The following NKAIN2 variants were observed in gnomAD, a reference collection of about 807,000 sequenced individuals.
NKAIN2 encodes the protein sodium/potassium transporting ATPase interacting 2.
NKAIN2 carries 14 observed loss-of-function variants against 32.6 expected under a neutral mutation model. The ratio of observed to expected loss-of-function variants is 0.43; its 90% CI spans 0.28 to 0.67. NKAIN2 has a LOEUF of 0.67. NKAIN2 is among the 30% of genes least tolerant of loss of function. The probability of loss-of-function intolerance (pLI) is 0.17; values close to 1 mark genes in which losing one functional copy is unlikely to be tolerated. For synonymous variants in NKAIN2, 80 were observed against 87.2 expected (o/e 0.92, Z 0.46); for missense variants, 198 against 258.3 (o/e 0.77, Z 1.60).
At chr6:124,589,495 C>T (rs1781828921) in intron 3 of NKAIN2, among the ~76,000 whole-genome samples, 3 of 152,216 alleles carry the variant, frequency 2.0e-5, no homozygotes, top group Non-Finnish European at 2.9e-5. Flanking sequence ...TGTAAGACTT[C>T]TTCCTATTAG....
chr6:124,210,585 G>A (rs935813925), intron 1 of NKAIN2, among the ~76,000 whole-genome samples: 1 of 151,550 alleles, frequency 6.6e-6, no homozygotes, highest in Non-Finnish European at 1.5e-5. Context: ...ATTCTTTTGT[G>A]TCCTCTTCAA....
At chr6:124,143,480 A>C (rs1412304992) in intron 1 of NKAIN2, among the ~76,000 whole-genome samples, 1 of 148,246 alleles carries the variant, frequency 6.7e-6, no homozygotes, top group Admixed American at 6.8e-5. Context: ...AGAAGAAAAA[A>C]GTATCAACAA....
At position 124,491,062 on chromosome 6, in the gene NKAIN2, C is replaced by A. The variant is rs1410629791; in HGVS notation, c.273+135715C>A. On this transcript the variant is annotated intron_variant, in intron 3 of 6. Coordinates refer to ENST00000368417, the MANE Select transcript of NKAIN2 (RefSeq NM_001040214.3). ...GGTTGCAAGATTTAGATAAATATTTCTTCAGATTAATATCTTTAGAGAAAA... is the reference window on the plus strand; with the variant it reads ...GGTTGCAAGATTTAGATAAATATTTATTCAGATTAATATCTTTAGAGAAAA... 3.9e-5 allele frequency among the ~76,000 whole-genome samples: 6 copies of A among 152,010 alleles called. No individual in the cohort carries two copies. The East Asian group carries it at 1.2e-3, about 29-fold the overall frequency.
chr6:123,900,700 TTCTC>T (rs927435967), intron 1 of NKAIN2, among the ~76,000 whole-genome samples: 70 of 151,894 alleles, frequency 4.6e-4, no homozygotes, highest in South Asian at 8.3e-4. Flanking sequence ...GGAGAATAGT[TTCTC>T]TAGAGATTGA....
intron 3 of NKAIN2, among the ~76,000 whole-genome samples, chr6:124,366,504 G>C (rs1003650703): frequency 1.3e-5 from 2 of 151,792 alleles, no homozygotes; most frequent in Non-Finnish European, 2.9e-5. Context: ...TCTTAAAAAT[G>C]TTTAGGAATG....
intron 4 of NKAIN2, among the ~76,000 whole-genome samples, chr6:124,751,736 T>C (rs1562363129): frequency 1.3e-5 from 2 of 151,536 alleles, no homozygotes; most frequent in South Asian, 2.1e-4. Flanking sequence ...CCTAACACTT[T>C]AGGAGGCTAA....
At chr6:124,554,656 G>A (rs1202478591) in intron 3 of NKAIN2, among the ~76,000 whole-genome samples, 1 of 152,118 alleles carries the variant, frequency 6.6e-6, no homozygotes, top group East Asian at 1.9e-4. Context: ...CATCACAATG[G>A]GAAGTTAATT....
intron 1 of NKAIN2, among the ~76,000 whole-genome samples, chr6:124,073,793 T>C (rs1449779402): frequency 6.6e-6 from 1 of 151,878 alleles, no homozygotes; most frequent in East Asian, 1.9e-4. Context: ...GCACCATGGG[T>C]CCTCCCTGCT....
chr6:124,611,413 A>G (rs931034233), intron 3 of NKAIN2, among the ~76,000 whole-genome samples: 3 of 152,090 alleles, frequency 2.0e-5, no homozygotes, highest in African/African-American at 7.2e-5. Context: ...TAGAATGTGC[A>G]GGTTTGTTAC....
intron 3 of NKAIN2, among the ~76,000 whole-genome samples, chr6:124,401,632 G>A (rs1174536880): frequency 6.6e-6 from 1 of 152,146 alleles, no homozygotes; most frequent in Non-Finnish European, 1.5e-5. Flanking sequence ...TGCTGCATAT[G>A]TTGTGTAATT....
At chr6:123,940,650 A>G (rs1459641359) in intron 1 of NKAIN2, among the ~76,000 whole-genome samples, 2 of 152,038 alleles carry the variant, frequency 1.3e-5, no homozygotes, top group Non-Finnish European at 2.9e-5. Flanking sequence ...CAGAAAAGCT[A>G]CAGGTAAAAA....
intron 1 of NKAIN2, among the ~76,000 whole-genome samples, chr6:123,927,723 T>A (rs543531982): frequency 5.3e-5 from 8 of 152,230 alleles, no homozygotes; most frequent in Non-Finnish European, 1.0e-4. Context: ...TCTGCTATTC[T>A]TGGATATATT....
At chr6:124,081,620 G>A (rs1264805884) in intron 1 of NKAIN2, among the ~76,000 whole-genome samples, 2 of 151,990 alleles carry the variant, frequency 1.3e-5, no homozygotes, top group Admixed American at 1.3e-4. Context: ...TTTCAGTAAA[G>A]GATATTAAAG....
intron 1 of NKAIN2, chr6:123,829,429 A>G (rs1350567303): frequency 6.6e-6 from 1 of 152,216 alleles, no homozygotes; most frequent in Non-Finnish European, 1.5e-5. Context: ...CCATTGGTAT[A>G]ACATGATAAA....
At chr6:124,229,124 C>G (rs1330698072) in intron 1 of NKAIN2, among the ~76,000 whole-genome samples, 1 of 152,140 alleles carries the variant, frequency 6.6e-6, no homozygotes, top group African/African-American at 2.4e-5. Context: ...ATTTTCTGCA[C>G]TAGCCTAGCT....
At chr6:124,536,225 CTTCTTAACTATT>C (rs1779709618) in intron 3 of NKAIN2, among the ~76,000 whole-genome samples, 1 of 152,126 alleles carries the variant, frequency 6.6e-6, no homozygotes, top group African/African-American at 2.4e-5. Context: ...TTTAGCAAGG[CTTCTTAACTATT>C]TTCTGCCCTG....
At chr6:124,078,840 GC>G (rs1783822477) in intron 1 of NKAIN2, among the ~76,000 whole-genome samples, 2 of 148,578 alleles carry the variant, frequency 1.3e-5, no homozygotes, top group Non-Finnish European at 3.0e-5. Context: ...CAATTATATA[GC>G]AAGTAAAATG....
At chr6:124,363,773 A>C (rs193192145) in intron 3 of NKAIN2, among the ~76,000 whole-genome samples, 1 of 152,318 alleles carries the variant, frequency 6.6e-6, no homozygotes, top group African/African-American at 2.4e-5. Flanking sequence ...TAGTTGAGAG[A>C]AAAGAGAAAC....
chr6:124,780,415 T>C (rs1365975790), intron 4 of NKAIN2, among the ~76,000 whole-genome samples: 1 of 152,102 alleles, frequency 6.6e-6, no homozygotes, highest in Non-Finnish European at 1.5e-5. Context: ...CCCTGAGGAG[T>C]AGCCTTGAAG....
Sources: gnomAD v4.1 joint callset for allele counts (sites outside exome capture counted in the v4.1 genomes callset) on GRCh38, gnomAD v4.1.1 for gene constraint, MANE v1.5 for transcripts, NCBI Gene and HGNC (gene_info 2026-07-23, HGNC 2026-07-21) for gene names.